Variants in DPP10 observed in about 807,000 individuals in gnomAD.
DPP10 encodes dipeptidyl peptidase like 10, also known as inactive dipeptidyl peptidase 10.
Under a neutral mutation model 120.9 loss-of-function variants are expected in DPP10, and 33 were observed. The observed-to-expected ratio is 0.27, with a 90% CI of 0.21 to 0.37. DPP10 has a LOEUF of 0.37. DPP10 is among the 10% of genes least tolerant of loss of function. DPP10 has a pLI of 1.00. For missense variants in DPP10, 816 were observed against 942.8 expected (o/e 0.87, Z 1.76); for synonymous variants, 337 against 326.1 (o/e 1.03, Z -0.36).
chr2:114,829,703 G>A (rs1290378975), intron 1 of DPP10, among the ~76,000 whole-genome samples: 2 of 151,886 alleles, frequency 1.3e-5, no homozygotes, highest in Non-Finnish European at 2.9e-5. Context: ...GAGAAGGACA[G>A]AAGTCAAGTT....
At chr2:115,246,263 A>G (rs957214091) in intron 1 of DPP10, among the ~76,000 whole-genome samples, 1 of 152,152 alleles carries the variant, frequency 6.6e-6, no homozygotes, top group Non-Finnish European at 1.5e-5. Context: ...ACTGTGCTAC[A>G]TACTGGCTAG....
chr2:114,552,297 G>A (rs1687948189), intron 1 of DPP10, among the ~76,000 whole-genome samples: 1 of 151,534 alleles, frequency 6.6e-6, no homozygotes, highest in South Asian at 2.1e-4. Flanking sequence ...AGGGGTTTGT[G>A]TTTTTGAAAT....
intron 12 of DPP10, 68 bp downstream of exon 12, chr2:115,762,678 T>C (rs946897187): frequency 6.5e-5 from 101 of 1,557,394 alleles, no homozygotes; most frequent in Non-Finnish European, 8.6e-5. Flanking sequence ...TTTTATGTGA[T>C]AACTTTCTGT....
At chr2:115,782,490 T>C in intron 17 of DPP10, 91 bp downstream of exon 17, 1 of 1,262,062 alleles carries the variant, frequency 7.9e-7, no homozygotes, top group Non-Finnish European at 1.1e-6. Context: ...CCTCTATAAA[T>C]TCTTCTTCAA....
intron 19 of DPP10, among the ~76,000 whole-genome samples, chr2:115,810,494 AT>A (rs1686519521): frequency 6.6e-6 from 1 of 152,118 alleles, no homozygotes; most frequent in Non-Finnish European, 1.5e-5. Context: ...TCTATTGAGT[AT>A]TGTTTGTTTT....
At chr2:115,823,878 T>C (rs764549837) in intron 21 of DPP10, among the ~76,000 whole-genome samples, 1 of 152,206 alleles carries the variant, frequency 6.6e-6, no homozygotes, top group Non-Finnish European at 1.5e-5. Flanking sequence ...ATGTGATTCA[T>C]TTGAGATATT....
intron 1 of DPP10, among the ~76,000 whole-genome samples, chr2:115,088,235 C>T (rs1328645443): frequency 1.3e-5 from 2 of 152,062 alleles, no homozygotes. Flanking sequence ...TTAGAATTTC[C>T]ATATATAAAT....
chr2:115,769,657 A>G (rs982673249), intron 13 of DPP10, among the ~76,000 whole-genome samples: 6 of 151,980 alleles, frequency 3.9e-5, no homozygotes, highest in Non-Finnish European at 7.4e-5. Flanking sequence ...GCATTTATAG[A>G]TGCATTTATA....
chr2:115,477,218 G>A (rs1050843281), intron 3 of DPP10, among the ~76,000 whole-genome samples: 11 of 152,000 alleles, frequency 7.2e-5, no homozygotes, highest in Non-Finnish European at 1.0e-4. Context: ...AAACAAAGAG[G>A]TAAAATTACT....
At chr2:114,469,410 T>C (rs901124699) in intron 1 of DPP10, among the ~76,000 whole-genome samples, 5 of 152,184 alleles carry the variant, frequency 3.3e-5, no homozygotes, top group Admixed American at 6.5e-5. Flanking sequence ...GCCAGGAGAA[T>C]GAAAGACAGA....
chr2:114,783,119 T>G (rs1431646619), intron 1 of DPP10, among the ~76,000 whole-genome samples: 1 of 152,140 alleles, frequency 6.6e-6, no homozygotes, highest in East Asian at 1.9e-4. Flanking sequence ...TTTAAAGATA[T>G]GTAATGATAT....
At chr2:115,317,777 A>C (rs966864150) in intron 2 of DPP10, among the ~76,000 whole-genome samples, 1 of 151,978 alleles carries the variant, frequency 6.6e-6, no homozygotes, top group South Asian at 2.1e-4. Context: ...TTCTTTAAAG[A>C]TAGATCTATT....
At chr2:115,378,222 A>G (rs2065970601) in intron 3 of DPP10, among the ~76,000 whole-genome samples, 1 of 151,838 alleles carries the variant, frequency 6.6e-6, no homozygotes, top group African/African-American at 2.4e-5. Flanking sequence ...ATCCTCTTTT[A>G]TTTCATCGAG....
At chr2:115,209,433 C>T (rs2105342093) in intron 1 of DPP10, among the ~76,000 whole-genome samples, 1 of 152,228 alleles carries the variant, frequency 6.6e-6, no homozygotes, top group African/African-American at 2.4e-5. Context: ...AACATACATA[C>T]ACATACATGC....
intron 8 of DPP10, among the ~76,000 whole-genome samples, chr2:115,731,914 C>T (rs1171591315): frequency 6.6e-6 from 1 of 152,140 alleles, no homozygotes; most frequent in African/African-American, 2.4e-5. Context: ...GACTGCTACC[C>T]CCAACCTCTG....
At chr2:115,420,548 A>T (rs937006815) in intron 3 of DPP10, among the ~76,000 whole-genome samples, 12 of 152,226 alleles carry the variant, frequency 7.9e-5, no homozygotes, top group African/African-American at 2.9e-4. Context: ...GGCATAAGAC[A>T]TCATGTTGCT....
At chr2:115,643,990 G>T (rs1299541214) in intron 5 of DPP10, among the ~76,000 whole-genome samples, 1 of 151,864 alleles carries the variant, frequency 6.6e-6, no homozygotes, top group African/African-American at 2.4e-5. Context: ...ATAATCATTG[G>T]CTCCATTAGC....
intron 8 of DPP10, among the ~76,000 whole-genome samples, chr2:115,728,719 C>T (rs2149643805): frequency 6.6e-6 from 1 of 152,230 alleles, no homozygotes; most frequent in South Asian, 2.1e-4. Flanking sequence ...TCAGATTTGA[C>T]ATTTTTAATT....
Position 115,386,030 on chromosome 2 carries a change from T to G in DPP10, c.271+42118T>G, listed in dbSNP as rs191568488. Among the ~76,000 whole-genome samples the G allele has an allele frequency of 2.6e-5, 4 of 152,344 alleles. No individual in the cohort carries two copies. The East Asian group carries it at 7.7e-4, about 29-fold the overall frequency. ...TGAATATTAGGATTTATTAAATTTA[T>G]TTTTAAGTGTTTTAATTCTGTGGAA... is the stretch of plus-strand genomic sequence containing the variant. On this transcript the variant is annotated intron_variant, in intron 3 of 25. Transcript: ENST00000410059.
Sources: allele counts gnomAD v4.1 joint callset (sites outside exome capture counted in the v4.1 genomes callset), GRCh38; gene constraint gnomAD v4.1.1; transcripts MANE v1.5; gene names NCBI Gene and HGNC (gene_info 2026-07-23, HGNC 2026-07-21).